SPTBN1: variants seen among roughly 807,000 people sequenced by gnomAD.
The protein encoded by SPTBN1 is spectrin beta chain, non-erythrocytic 1.
A neutral mutation model predicts 266.4 loss-of-function variants in SPTBN1; 32 were observed. That is an observed-to-expected ratio of 0.12 (90% CI 0.09 to 0.16). The LOEUF is 0.16. Among genes scored for constraint, SPTBN1 ranks in the 10% least tolerant of loss-of-function variants. The pLI, the probability that SPTBN1 is intolerant of heterozygous loss-of-function variation, is 1.00. For missense variants in SPTBN1, 2,296 were observed against 3,067.1 expected (o/e 0.75, Z 5.94); for synonymous variants, 1,336 against 1,162.2 (o/e 1.15, Z -3.04).
chr2:54,498,274 C>G (rs372175844), intron 1 of SPTBN1, among the ~76,000 whole-genome samples: 13 of 152,032 alleles, frequency 8.6e-5, no homozygotes, highest in African/African-American at 3.1e-4. Context: ...GACTTGCTGC[C>G]GGCCATGTGT....
chr2:54,657,377 T>G (rs923778216), intron 29 of SPTBN1, among the ~76,000 whole-genome samples: 1 of 152,204 alleles, frequency 6.6e-6, no homozygotes, highest in Non-Finnish European at 1.5e-5. Flanking sequence ...GCTCATGAAG[T>G]GGGGCCGAGT....
chr2:54,468,264 A>G (rs13387187), intron 1 of SPTBN1, among the ~76,000 whole-genome samples: 34,546 of 151,948 alleles, frequency 0.23, 4,346 homozygotes, highest in African/African-American at 0.33. Context: ...CTGAGACCGC[A>G]CCATTGCGCT....
chr2:54,507,802 C>CCT (rs529039726), intron 1 of SPTBN1, among the ~76,000 whole-genome samples: 3 of 139,834 alleles, frequency 2.1e-5, no homozygotes, highest in African/African-American at 7.9e-5. Context: ...ATAGAGTCCC[C>CCT]TTTTTTTTTT....
chr2:54,472,476 T>G (rs575276806), intron 1 of SPTBN1, among the ~76,000 whole-genome samples: 1 of 152,384 alleles, frequency 6.6e-6, no homozygotes, highest in South Asian at 2.1e-4. Context: ...GATTCACTTT[T>G]AGACTTCTTA....
intron 2 of SPTBN1, among the ~76,000 whole-genome samples, chr2:54,566,185 C>CTTTTTTTTTTTTTTTTTT (rs59369956): frequency 2.4e-5 from 3 of 125,224 alleles, no homozygotes; most frequent in African/African-American, 3.1e-5. Context: ...TTTCTTTTTT[C>CTTTTTTTTTTTTTTTTTT]TTTTTTTTTT....
chr2:54,615,586 C>T (rs148500325), intron 4 of SPTBN1, among the ~76,000 whole-genome samples: 19 of 152,308 alleles, frequency 1.2e-4, no homozygotes, highest in Non-Finnish European at 2.4e-4. Context: ...TATTTCCATT[C>T]CTCAGATGGG....
intron 1 of SPTBN1, among the ~76,000 whole-genome samples, chr2:54,499,783 C>T (rs534433778): frequency 1.6e-4 from 25 of 152,248 alleles, no homozygotes; most frequent in Admixed American, 1.4e-3. Context: ...CTTTGCTTTC[C>T]CCCTTCCTTT....
At chr2:54,636,109 T>G (rs2103976778) in intron 17 of SPTBN1, among the ~76,000 whole-genome samples, 1 of 152,344 alleles carries the variant, frequency 6.6e-6, no homozygotes, top group South Asian at 2.1e-4. Context: ...AAGTGTTTGC[T>G]TTCTAACCCA....
chr2:54,543,533 G>T (rs1573379022), intron 2 of SPTBN1, among the ~76,000 whole-genome samples: 1 of 151,984 alleles, frequency 6.6e-6, no homozygotes, highest in African/African-American at 2.4e-5. Context: ...GAAGTTTAGA[G>T]GGCATTTGTG....
chr2:54,643,972 A>G (rs569220315), intron 19 of SPTBN1, among the ~76,000 whole-genome samples: 2 of 87,182 alleles, frequency 2.3e-5, no homozygotes, highest in South Asian at 4.9e-4. Flanking sequence ...ACTCTGTCTC[A>G]ATATAATAAC....
intron 18 of SPTBN1, among the ~76,000 whole-genome samples, chr2:54,640,240 A>G (rs1462550093): frequency 6.6e-6 from 1 of 152,176 alleles, no homozygotes; most frequent in Non-Finnish European, 1.5e-5. Context: ...TCATTCTGGT[A>G]GATATTTACA....
intron 1 of SPTBN1, among the ~76,000 whole-genome samples, chr2:54,502,854 C>A (rs1669344897): frequency 6.6e-6 from 1 of 152,122 alleles, no homozygotes; most frequent in African/African-American, 2.4e-5. Flanking sequence ...TTGAAGAGGG[C>A]CAGTGTTTGT....
At chr2:54,513,495 A>G (rs17521078) in intron 1 of SPTBN1, among the ~76,000 whole-genome samples, 117,908 of 152,098 alleles carry the variant, frequency 0.78, 45,934 homozygotes, top group African/African-American at 0.85. Context: ...ATTTCACAAC[A>G]AATAGGGCAG....
rs1051804896 is a variant in SPTBN1 at position 54,533,830 on chromosome 2, C to T, written c.148+7264C>T. On this transcript the variant is annotated intron_variant, in intron 2 of 35. Transcript: ENST00000356805. The surrounding 1 kb of genome is among the most constrained non-coding windows in gnomAD (Gnocchi z 4.2). ...CCTCCCAAAGTGCTGGGATTACAGG[C>T]GTGAGCCTCCACGCCCGGCCTGCTG... Among the ~76,000 whole-genome samples, 2 of 152,070 alleles carry T rather than the reference C, an allele frequency of 1.3e-5. No homozygotes were observed. The highest frequency in any genetic ancestry group is 2.9e-5 in the Non-Finnish European group (2 of 68,026).
rs924923603 is a variant in SPTBN1 at position 54,520,683 on chromosome 2, G to A, written c.-47-5689G>A. Among the ~76,000 whole-genome samples the A allele has an allele frequency of 6.7e-5, 8 of 119,128 alleles. No homozygotes were observed. In the East Asian group the frequency reaches 1.9e-3, roughly 28 times the overall value. The allele number at this position is 119,128 out of a possible 152,430, so 78.2% of individuals were successfully genotyped here. A position where few individuals can be genotyped will look rare whatever the true frequency, so the allele number is the denominator to read the frequency against. On this transcript the variant is annotated intron_variant, in intron 1 of 35. Coordinates refer to ENST00000356805, the MANE Select transcript of SPTBN1 (RefSeq NM_003128.3). ...CCACCCCACCCCCCACCCCACAATA[G>A]AGAAGAGCAGGGAAAGTAGATAGGC...
At chr2:54,663,922 G>A (rs1030798510) in intron 32 of SPTBN1, 2 of 152,490 alleles carry the variant, frequency 1.3e-5, no homozygotes, top group African/African-American at 4.8e-5. Context: ...GTTGAGGGGA[G>A]GGGGAGGAGA....
intron 3 of SPTBN1, among the ~76,000 whole-genome samples, chr2:54,611,114 T>C (rs1353586362): frequency 6.6e-6 from 1 of 152,246 alleles, no homozygotes; most frequent in African/African-American, 2.4e-5. Context: ...TTTAATTTTA[T>C]GACAGATTTG....
chr2:54,632,533 A>G, intron 16 of SPTBN1, 33 bp from the exon 17 acceptor site: 1 of 1,605,486 alleles, frequency 6.2e-7, no homozygotes, highest in Non-Finnish European at 8.5e-7. Context: ...TCCTTCATTG[A>G]TCTGCTATGA....
At chr2:54,504,547 T>C (rs1332862370) in intron 1 of SPTBN1, among the ~76,000 whole-genome samples, 1 of 152,186 alleles carries the variant, frequency 6.6e-6, no homozygotes, top group South Asian at 2.1e-4. Context: ...ATTGAATCCA[T>C]GTGAGTAAGG....
Sources: gnomAD v4.1 joint callset for allele counts (sites outside exome capture counted in the v4.1 genomes callset) on GRCh38, gnomAD v4.1.1 for gene constraint, Gnocchi (gnomAD v3.1) non-coding constraint, MANE v1.5 for transcripts, NCBI Gene and HGNC (gene_info 2026-07-23, HGNC 2026-07-21) for gene names.